PPP1R9A: variants seen among roughly 807,000 people sequenced by gnomAD.
PPP1R9A encodes the protein protein phosphatase 1 regulatory subunit 9A, also known as neurabin-1.
In PPP1R9A, 59 loss-of-function variants were observed where a neutral mutation model predicts 141.9. The observed-to-expected ratio is 0.42, with a 90% CI of 0.34 to 0.52. The LOEUF is 0.52. Among genes scored for constraint, PPP1R9A ranks in the 20% least tolerant of loss-of-function variants. The pLI, the probability that PPP1R9A is intolerant of heterozygous loss-of-function variation, is 0.10. For synonymous variants in PPP1R9A, 500 were observed against 569.7 expected (o/e 0.88, Z 1.74); for missense variants, 1,444 against 1,611.9 (o/e 0.90, Z 1.78).
chr7:95,119,892 T>C (rs1822220743), intron 3 of PPP1R9A, among the ~76,000 whole-genome samples: 1 of 151,858 alleles, frequency 6.6e-6, no homozygotes, highest in Admixed American at 6.6e-5. Context: ...TATATTATAG[T>C]TGTTGATGAG....
At chr7:95,054,040 A>G (rs180763758) in intron 2 of PPP1R9A, among the ~76,000 whole-genome samples, 1 of 152,222 alleles carries the variant, frequency 6.6e-6, no homozygotes, top group Non-Finnish European at 1.5e-5. Flanking sequence ...ACAGAGAAGC[A>G]TGACATTTTA....
intron 2 of PPP1R9A, among the ~76,000 whole-genome samples, chr7:94,915,717 C>T (rs1391475235): frequency 6.6e-6 from 1 of 152,148 alleles, no homozygotes; most frequent in Non-Finnish European, 1.5e-5. Context: ...TTCCTATGTC[C>T]CATCTTTCTT....
intron 2 of PPP1R9A, among the ~76,000 whole-genome samples, chr7:94,928,560 C>T (rs187025848): frequency 6.6e-6 from 1 of 152,298 alleles, no homozygotes; most frequent in African/African-American, 2.4e-5. Flanking sequence ...GACATGCTGA[C>T]TGATGACCTC....
At chr7:95,260,274 G>T (rs147180076) in intron 12 of PPP1R9A, among the ~76,000 whole-genome samples, 1 of 152,278 alleles carries the variant, frequency 6.6e-6, no homozygotes, top group African/African-American at 2.4e-5. Context: ...TCTAAAGGAG[G>T]TATTCAGTTG....
At position 94,987,177 on chromosome 7, in the gene PPP1R9A, G is replaced by A. The variant is rs561767531; in HGVS notation, c.1395+75669G>A. Among the ~76,000 whole-genome samples, 62 of 152,248 alleles carry A rather than the reference G, an allele frequency of 4.1e-4. 1 individual carries two copies. Among genetic ancestry groups the A allele is most frequent in the African/African-American group, 6.7e-4 (28 of 41,552 alleles). On this transcript the variant is annotated intron_variant, in intron 2 of 19. Transcript: ENST00000433360. ...GTTGACAAAGTAGGGAATATTTGTC[G>A]TTTTCAAACCTTTTTCTCTTTTAAA...
In PPP1R9A at chr7:95,284,336, A is replaced by G. The variant is rs772583948; in HGVS notation, c.3609+6A>G. On this transcript the variant is annotated splice_donor_region_variant and intron_variant, in intron 17 of 19. Transcript: ENST00000433360. The stretch of plus-strand genomic sequence containing the variant: ...TCTGGATCCAAGAAACCAATGTAAT[A>G]ACACTGCAATAAACAATGCATGGTA... 6.9e-6 allele frequency: 10 copies of G among 1,453,224 alleles called. No homozygotes were observed. Among genetic ancestry groups the G allele is most frequent in the Admixed American group, 4.1e-5 (2 of 48,310 alleles). The allele number at this position is 1,453,224 out of a possible 1,614,324, so 90.0% of individuals were successfully genotyped here.
intron 2 of PPP1R9A, among the ~76,000 whole-genome samples, chr7:95,100,205 A>AC (rs1818579378): frequency 3.9e-5 from 6 of 151,928 alleles, no homozygotes; most frequent in Admixed American, 2.6e-4. Flanking sequence ...GGATTGTTTG[A>AC]CCCCGGGAGT....
At chr7:94,976,303 C>A (rs2151279790) in intron 2 of PPP1R9A, among the ~76,000 whole-genome samples, 1 of 150,514 alleles carries the variant, frequency 6.6e-6, no homozygotes, top group South Asian at 2.1e-4. Flanking sequence ...TTTGGTGAGT[C>A]ATGCATAATA....
In PPP1R9A at chr7:94,910,160, C is replaced by G. The variant is rs374007271; in HGVS notation, c.47C>G (p.Ala16Gly). ...GGTGAACGAACCACTCTCAGAAGTG[C>G]CTCTCCTCACAGGAATGCATATCGA... is the stretch of plus-strand genomic sequence containing the variant. ...SSGERTTLRS[A>G]SPHRNAYRTE... Residue 16 changes from alanine to glycine, a missense_variant, in exon 2 of 20, where the codon GCC becomes GGC. Ala to Gly is a moderately conservative substitution (Grantham distance 60). This residue lies in a region of PPP1R9A where 490 missense variants were observed against 521.1 expected (regional missense o/e 0.94). Coordinates refer to ENST00000433360, the MANE Select transcript of PPP1R9A (RefSeq NM_001166160.2). The surrounding 1 kb of genome is among the most constrained non-coding windows in gnomAD (Gnocchi z 4.5). 6 of 1,613,724 alleles carry G rather than the reference C, an allele frequency of 3.7e-6. No individual in the cohort carries two copies. The African/African-American group carries it at 6.7e-5, about 18-fold the overall frequency.
chr7:95,072,774 A>AAT (rs1392243696), intron 2 of PPP1R9A, among the ~76,000 whole-genome samples: 4 of 104,796 alleles, frequency 3.8e-5, no homozygotes, highest in South Asian at 2.3e-4. Context: ...ATATATATTA[A>AAT]ATATATATAT....
At chr7:94,941,198 T>C (rs1435183525) in intron 2 of PPP1R9A, among the ~76,000 whole-genome samples, 3 of 152,130 alleles carry the variant, frequency 2.0e-5, no homozygotes, top group Admixed American at 6.6e-5. Context: ...CAGTGGCATT[T>C]AGAAGCTGTT....
At chr7:94,979,799 A>G (rs1799870182) in intron 2 of PPP1R9A, among the ~76,000 whole-genome samples, 1 of 152,232 alleles carries the variant, frequency 6.6e-6, no homozygotes. Context: ...TATTTAAAAT[A>G]GTGAAAGCCA....
chr7:95,185,753 A>G (rs192951443), intron 5 of PPP1R9A, among the ~76,000 whole-genome samples: 2 of 152,070 alleles, frequency 1.3e-5, no homozygotes, highest in Non-Finnish European at 2.9e-5. Context: ...GTGGCTTTCC[A>G]ATTACCCCAA....
rs191245661 is a variant in PPP1R9A, at chr7:95,232,688, C to A, written c.2112+6572C>A. Among the ~76,000 whole-genome samples, 11 of 151,760 alleles carry A rather than the reference C, an allele frequency of 7.2e-5. No individual in the cohort carries two copies. In the East Asian group the frequency reaches 1.7e-3, roughly 24 times the overall value. On this transcript the variant is annotated intron_variant, in intron 8 of 19. Transcript: ENST00000433360. ...AACAAATTTACAAGAAAAAAACAACCCCATCAAAAAGTGGGCTAAGGATAT... is the reference window on the plus strand; with the variant it reads ...AACAAATTTACAAGAAAAAAACAACACCATCAAAAAGTGGGCTAAGGATAT...
intron 2 of PPP1R9A, among the ~76,000 whole-genome samples, chr7:95,089,265 A>G (rs1817016872): frequency 6.6e-6 from 1 of 152,032 alleles, no homozygotes; most frequent in Non-Finnish European, 1.5e-5. Flanking sequence ...AATGCATACA[A>G]TTTATATGTG....
At chr7:95,019,305 C>T (rs534022928) in intron 2 of PPP1R9A, among the ~76,000 whole-genome samples, 1 of 152,290 alleles carries the variant, frequency 6.6e-6, no homozygotes, top group East Asian at 1.9e-4. Context: ...ATCAATTGAA[C>T]CCATGAGGTG....
At chr7:95,145,810 T>C (rs908782538) in intron 4 of PPP1R9A, among the ~76,000 whole-genome samples, 3 of 152,232 alleles carry the variant, frequency 2.0e-5, no homozygotes, top group African/African-American at 7.2e-5. Context: ...TTCATCCATG[T>C]CCCTGCAAAG....
chr7:95,247,352 T>C, intron 8 of PPP1R9A, 121 bp from the exon 9 acceptor site: 1 of 691,892 alleles, frequency 1.4e-6, no homozygotes, highest in African/African-American at 1.8e-5. Context: ...TACAACTTGC[T>C]GCACTGCAGC....
chr7:95,064,237 G>A (rs947155529), intron 2 of PPP1R9A, among the ~76,000 whole-genome samples: 4 of 152,072 alleles, frequency 2.6e-5, no homozygotes, highest in Admixed American at 6.6e-5. Flanking sequence ...CATGTTTCAC[G>A]TGTGTTTCTT....
Sources: allele counts gnomAD v4.1 joint callset (sites outside exome capture counted in the v4.1 genomes callset), GRCh38; gene constraint gnomAD v4.1.1; regional missense constraint gnomAD v4.1.1; non-coding constraint Gnocchi (gnomAD v3.1); transcripts MANE v1.5; gene names NCBI Gene and HGNC (gene_info 2026-07-23, HGNC 2026-07-21).